GALNTL6: variants seen among roughly 807,000 people sequenced by gnomAD.
The protein encoded by GALNTL6 is polypeptide N-acetylgalactosaminyltransferase like 6, also known as polypeptide N-acetylgalactosaminyltransferase-like 6.
A neutral mutation model predicts 73.7 loss-of-function variants in GALNTL6; 46 were observed. That is an observed-to-expected ratio of 0.62 (90% CI 0.49 to 0.80). The LOEUF is 0.80. Ranked by LOEUF, GALNTL6 falls within the 30% of genes least tolerant of loss-of-function variation. GALNTL6 has a pLI of 0.00. For missense variants in GALNTL6, 604 were observed against 755.0 expected (o/e 0.80, Z 2.34); for synonymous variants, 259 against 263.7 (o/e 0.98, Z 0.17).
chr4:172,144,176 A>T (rs1457737967), intron 2 of GALNTL6, among the ~76,000 whole-genome samples: 3 of 152,188 alleles, frequency 2.0e-5, no homozygotes, highest in African/African-American at 7.2e-5. Context: ...AGTGATTAGG[A>T]GAAGCGTGTT....
chr4:172,414,874 T>G (rs1315453833), intron 5 of GALNTL6, among the ~76,000 whole-genome samples: 3 of 152,174 alleles, frequency 2.0e-5, no homozygotes, highest in Admixed American at 6.6e-5. Flanking sequence ...AAATTGACTT[T>G]TATCTTGAGT....
chr4:172,479,715 A>G (rs1176079780), intron 5 of GALNTL6, among the ~76,000 whole-genome samples: 6 of 152,244 alleles, frequency 3.9e-5, no homozygotes, highest in African/African-American at 1.4e-4. Context: ...AAGTAAAAGG[A>G]AAAAGAATCA....
intron 7 of GALNTL6, among the ~76,000 whole-genome samples, chr4:172,837,669 T>G (rs1220732993): frequency 6.6e-6 from 1 of 152,110 alleles, no homozygotes; most frequent in Admixed American, 6.5e-5. Flanking sequence ...TAAAAAGGAG[T>G]AACATTCAAT....
intron 5 of GALNTL6, among the ~76,000 whole-genome samples, chr4:172,788,671 CAAAAA>C (rs36046571): frequency 1.3e-5 from 1 of 78,350 alleles, no homozygotes. Context: ...GACTCCGTCT[CAAAAA>C]AAAAAAAAAA....
chr4:172,600,435 T>G (rs1738014386), intron 5 of GALNTL6, among the ~76,000 whole-genome samples: 1 of 152,076 alleles, frequency 6.6e-6, no homozygotes. Flanking sequence ...ACTTGCTGAA[T>G]TGAAAAGAGA....
At chr4:172,604,659 A>C (rs573793152) in intron 5 of GALNTL6, among the ~76,000 whole-genome samples, 1 of 152,356 alleles carries the variant, frequency 6.6e-6, no homozygotes, top group African/African-American at 2.4e-5. Context: ...TTTGAAAATA[A>C]GAACGATTTT....
At chr4:171,982,421 C>CA (rs1739927551) in intron 2 of GALNTL6, among the ~76,000 whole-genome samples, 1 of 152,090 alleles carries the variant, frequency 6.6e-6, no homozygotes, top group South Asian at 2.1e-4. Context: ...CTTCAGCCTC[C>CA]CCAGTAGCTG....
intron 3 of GALNTL6, among the ~76,000 whole-genome samples, chr4:172,306,079 C>T (rs1248557152): frequency 1.3e-5 from 2 of 151,994 alleles, no homozygotes; most frequent in Non-Finnish European, 2.9e-5. Flanking sequence ...TTACTTAGGG[C>T]ATATGAATTT....
chr4:172,411,208 TG>T (rs1445886466), intron 5 of GALNTL6, among the ~76,000 whole-genome samples: 1 of 152,128 alleles, frequency 6.6e-6, no homozygotes, highest in African/African-American at 2.4e-5. Flanking sequence ...GGGCTTTTAA[TG>T]GAGTAAGAAA....
At chr4:172,607,065 G>A (rs1010833297) in intron 5 of GALNTL6, among the ~76,000 whole-genome samples, 58 of 152,020 alleles carry the variant, frequency 3.8e-4, no homozygotes, top group African/African-American at 1.3e-3. Context: ...ATTTGGACTT[G>A]AGAAATATTG....
intron 2 of GALNTL6, among the ~76,000 whole-genome samples, chr4:171,991,429 A>G (rs1214391035): frequency 6.6e-6 from 1 of 152,056 alleles, no homozygotes; most frequent in Non-Finnish European, 1.5e-5. Flanking sequence ...ACTTAATTTG[A>G]AGTGTCGTTA....
At chr4:171,864,461 G>T (rs770472447) in intron 2 of GALNTL6, among the ~76,000 whole-genome samples, 1 of 152,104 alleles carries the variant, frequency 6.6e-6, no homozygotes, top group East Asian at 1.9e-4. Flanking sequence ...TTATTTCAGG[G>T]TACATACAGA....
At chr4:172,461,667 G>C (rs896769142) in intron 5 of GALNTL6, among the ~76,000 whole-genome samples, 1 of 152,190 alleles carries the variant, frequency 6.6e-6, no homozygotes, top group African/African-American at 2.4e-5. Flanking sequence ...AATTGTAAAA[G>C]AGAATAAATG....
intron 2 of GALNTL6, among the ~76,000 whole-genome samples, chr4:172,043,082 G>A (rs917174387): frequency 2.8e-4 from 43 of 151,618 alleles, no homozygotes; most frequent in East Asian, 5.8e-4. Flanking sequence ...AATATGTCCC[G>A]CCCTTTCTCA....
chr4:172,739,942 TA>T (rs11342855), intron 5 of GALNTL6, among the ~76,000 whole-genome samples: 21,951 of 147,506 alleles, frequency 0.15, 1,851 homozygotes, highest in East Asian at 0.25. Flanking sequence ...AATGATACAT[TA>T]AAAAAAAAAA....
intron 5 of GALNTL6, among the ~76,000 whole-genome samples, chr4:172,356,046 A>T (rs1409356497): frequency 6.6e-6 from 1 of 152,198 alleles, no homozygotes; most frequent in Admixed American, 6.5e-5. Context: ...CTTTTTGTGT[A>T]GGAAAATTCC....
intron 5 of GALNTL6, among the ~76,000 whole-genome samples, chr4:172,747,750 G>C (rs531066648): frequency 2.9e-4 from 44 of 149,482 alleles, no homozygotes; most frequent in African/African-American, 1.1e-3. Context: ...CCATAGCTAA[G>C]ATATGGAAAA....
At chr4:172,500,647 AT>A (rs1384942681) in intron 5 of GALNTL6, among the ~76,000 whole-genome samples, 2 of 152,064 alleles carry the variant, frequency 1.3e-5, no homozygotes, top group African/African-American at 4.8e-5. Flanking sequence ...AATCAAGCAA[AT>A]CTACCATTAC....
chr4:172,019,869 A>T (rs543606123), intron 2 of GALNTL6, among the ~76,000 whole-genome samples: 16 of 152,272 alleles, frequency 1.1e-4, no homozygotes, highest in East Asian at 3.9e-4. Context: ...CAGAATACAC[A>T]TTCTTTTCCT....
Sources: gnomAD v4.1 joint callset for allele counts (sites outside exome capture counted in the v4.1 genomes callset) on GRCh38, gnomAD v4.1.1 for gene constraint, MANE v1.5 for transcripts, NCBI Gene and HGNC (gene_info 2026-07-23, HGNC 2026-07-21) for gene names.